Variants in SNX25 observed in about 807,000 individuals in gnomAD.
SNX25 encodes sorting nexin 25.
SNX25 carries 62 observed loss-of-function variants against 113.7 expected under a neutral mutation model. The observed-to-expected ratio is 0.55, with a 90% CI of 0.44 to 0.67. The LOEUF (loss-of-function observed/expected upper bound fraction) is 0.67. Among genes scored for constraint, SNX25 ranks in the 30% least tolerant of loss-of-function variants. SNX25 has a pLI of 0.00. For synonymous variants in SNX25, 421 were observed against 436.2 expected (o/e 0.97, Z 0.43); for missense variants, 1,014 against 1,161.0 (o/e 0.87, Z 1.84).
intron 13 of SNX25, among the ~76,000 whole-genome samples, chr4:185,350,824 T>G (rs2095311314): frequency 6.6e-6 from 1 of 152,136 alleles, no homozygotes; most frequent in Admixed American, 6.6e-5. Flanking sequence ...ATGGCGCCAC[T>G]GCACGACATC....
At chr4:185,339,627 A>G (rs2095249895) in intron 11 of SNX25, 117 bp downstream of exon 11, 6 of 1,299,988 alleles carry the variant, frequency 4.6e-6, no homozygotes, top group Admixed American at 5.4e-5. Flanking sequence ...CTTTTAGACC[A>G]TATTTGTCCT....
chr4:185,269,074 G>A (rs1462358810), intron 5 of SNX25, among the ~76,000 whole-genome samples: 2 of 152,076 alleles, frequency 1.3e-5, no homozygotes, highest in Non-Finnish European at 2.9e-5. Context: ...TTTTTCGTAA[G>A]TGTGATGCTT....
downstream of SNX25, among the ~76,000 whole-genome samples, chr4:185,368,203 T>G (rs533843818): frequency 6.6e-6 from 1 of 152,126 alleles, no homozygotes; most frequent in East Asian, 1.9e-4. Flanking sequence ...TTCCCTTATT[T>G]TAGGCTGGTG....
At chr4:185,309,668 C>G (rs147822028) in intron 6 of SNX25, among the ~76,000 whole-genome samples, 4 of 152,206 alleles carry the variant, frequency 2.6e-5, no homozygotes, top group Non-Finnish European at 5.9e-5. Flanking sequence ...CTTGTCCTCT[C>G]TACTGGCCTG....
intron 13 of SNX25, among the ~76,000 whole-genome samples, chr4:185,348,400 T>TTC (rs33992231): frequency 7.6e-5 from 5 of 66,076 alleles, no homozygotes; most frequent in African/African-American, 7.5e-4. Context: ...CATTTCTTTA[T>TTC]TTTTTTTTTT....
chr4:185,348,623 CTGACCTCAGG>C lies in SNX25; in HGVS notation c.2301+1979_2301+1988del, dbSNP rs773246135. On this transcript the variant is annotated intron_variant, in intron 13 of 18. Transcript: ENST00000652585. ...TGTTGGACAGGCAGGTCTCGAACTC[CTGACCTCAGG>C]TGACCAATCTGCCTCGGCCTCCCAG... Among the ~76,000 whole-genome samples, 17 of 152,290 alleles carry C rather than the reference CTGACCTCAGG, an allele frequency of 1.1e-4. No individual in the cohort carries two copies. The South Asian group carries it at 3.5e-3, about 32-fold the overall frequency.
the SNX25 span, chr4:185,375,866 C>T: frequency 2.5e-5 from 12 of 483,880 alleles, no homozygotes; most frequent in South Asian, 1.2e-4. Flanking sequence ...CCATGCCCCA[C>T]GCTGAGGAAG....
chr4:185,253,200 C>T (rs1277390015), intron 2 of SNX25, among the ~76,000 whole-genome samples: 2 of 152,192 alleles, frequency 1.3e-5, no homozygotes, highest in Non-Finnish European at 2.9e-5. Flanking sequence ...TTATTGAGTA[C>T]ATGCTATTTG....
At chr4:185,226,722 A>G (rs890622356) in intron 1 of SNX25, among the ~76,000 whole-genome samples, 1 of 152,216 alleles carries the variant, frequency 6.6e-6, no homozygotes, top group African/African-American at 2.4e-5. Context: ...AAGTGCTGGG[A>G]TTACAGGCAT....
intron 1 of SNX25, among the ~76,000 whole-genome samples, chr4:185,236,071 G>A (rs533128029): frequency 3.3e-5 from 5 of 152,208 alleles, no homozygotes; most frequent in South Asian, 2.1e-4. Flanking sequence ...GTCGGTTTCC[G>A]GGCAACATAA....
At position 185,334,341 on chromosome 4, in the gene SNX25, A is replaced by G. The variant is rs138624374; in HGVS notation, c.1914+1582A>G. ...TGACACAGCAAGACTCCATCGATCA[A>G]TCAATCAATAAAAAATAAGAGAGCG... On this transcript the variant is annotated intron_variant, in intron 10 of 18. Coordinates refer to ENST00000652585, the MANE Select transcript of SNX25 (RefSeq NM_001378034.2). The surrounding 1 kb of genome is among the most constrained non-coding windows in gnomAD (Gnocchi z 4.2). Among the ~76,000 whole-genome samples, 1 of 152,318 alleles carries G rather than the reference A, an allele frequency of 6.6e-6. No homozygotes were observed. Among genetic ancestry groups the G allele is most frequent in the Non-Finnish European group, 1.5e-5 (1 of 68,034 alleles).
chr4:185,275,075 C>T (rs1749469786), intron 5 of SNX25, among the ~76,000 whole-genome samples: 1 of 152,132 alleles, frequency 6.6e-6, no homozygotes, highest in Non-Finnish European at 1.5e-5. Context: ...ATAATAACAT[C>T]AGAAGTGTTG....
At chr4:185,225,375 C>T (rs1471533194) in intron 1 of SNX25, among the ~76,000 whole-genome samples, 7 of 152,332 alleles carry the variant, frequency 4.6e-5, no homozygotes, top group Admixed American at 1.3e-4. Context: ...CCGCCCACCT[C>T]GGCCTCCCAA....
At chr4:185,324,084 T>C (rs2095139212) in intron 9 of SNX25, among the ~76,000 whole-genome samples, 1 of 152,202 alleles carries the variant, frequency 6.6e-6, no homozygotes, top group East Asian at 1.9e-4. Context: ...CCTCCTGCCC[T>C]CTGTCTGTTT....
At chr4:185,214,776 C>G (rs1394871300) in intron 1 of SNX25, among the ~76,000 whole-genome samples, 1 of 152,166 alleles carries the variant, frequency 6.6e-6, no homozygotes, top group African/African-American at 2.4e-5. Context: ...ATTTTGTTGT[C>G]TAGTTAGTTG....
chr4:185,228,329 C>G (rs1741318142), intron 1 of SNX25, among the ~76,000 whole-genome samples: 1 of 151,812 alleles, frequency 6.6e-6, no homozygotes, highest in Admixed American at 6.6e-5. Flanking sequence ...TTGATGGAGA[C>G]ATGCCTGGGG....
In SNX25 at chr4:185,343,938, G is replaced by A. The variant is rs1202025110; in HGVS notation, c.2187+1822G>A. Among the ~76,000 whole-genome samples the A allele has an allele frequency of 3.9e-5, 6 of 152,294 alleles. No individual in the cohort carries two copies. The East Asian group carries it at 9.6e-4, about 24-fold the overall frequency. On this transcript the variant is annotated intron_variant, in intron 12 of 18. Transcript: ENST00000652585. The stretch of plus-strand genomic sequence containing the variant: ...TTCTTTCTAAAACTTTCCACCCTCA[G>A]CCAGGCATGTTGGCTCACGCCTGTA...
At chr4:185,315,377 T>A (rs529403809) in intron 7 of SNX25, among the ~76,000 whole-genome samples, 2 of 144,922 alleles carry the variant, frequency 1.4e-5, no homozygotes, top group Non-Finnish European at 3.0e-5. Flanking sequence ...CACTGCACCC[T>A]CCGCCTCCCA....
At chr4:185,317,978 A>T (rs1198570205) in intron 7 of SNX25, among the ~76,000 whole-genome samples, 1 of 152,220 alleles carries the variant, frequency 6.6e-6, no homozygotes, top group Non-Finnish European at 1.5e-5. Context: ...AAATCTGAAT[A>T]GACCCTCTGC....
Sources: gnomAD v4.1 joint callset for allele counts (sites outside exome capture counted in the v4.1 genomes callset) on GRCh38, gnomAD v4.1.1 for gene constraint, Gnocchi (gnomAD v3.1) non-coding constraint, MANE v1.5 for transcripts, NCBI Gene and HGNC (gene_info 2026-07-23, HGNC 2026-07-21) for gene names.